DIP2B: variants seen among roughly 807,000 people sequenced by gnomAD.
The protein encoded by DIP2B is DIP2 acetate--CoA ligase B (putative), also known as disco-interacting protein 2 homolog B.
DIP2B carries 76 observed loss-of-function variants against 198.0 expected under a neutral mutation model. The ratio of observed to expected loss-of-function variants is 0.38; its 90% confidence interval spans 0.32 to 0.46. The LOEUF (loss-of-function observed/expected upper bound fraction) is 0.46, where lower values mean the gene tolerates loss of function less well. DIP2B is among the 20% of genes least tolerant of loss of function. The pLI, the probability that DIP2B is intolerant of heterozygous loss-of-function variation, is 0.99. For missense variants in DIP2B, 1,559 were observed against 1,978.4 expected (o/e 0.79, Z 4.02); for synonymous variants, 701 against 739.1 (o/e 0.95, Z 0.84).
In DIP2B at chr12:50,714,529, T is replaced by C; in HGVS notation, c.2784T>C (p.Pro928=). The change falls in exon 23 of 38, where the codon CCT becomes CCC. Residue 928 remains proline (P), a synonymous_variant. Coordinates refer to ENST00000301180, the MANE Select transcript of DIP2B (RefSeq NM_173602.3). ...KQLFLEGSLH[P]CNILMCPHTC... ...TCTTTCTGGAGGGATCACTGCATCC[T>C]TGCAACATCCTCATGTGCCCCCATA... 6.2e-7 allele frequency: 1 copy of C among 1,614,176 alleles called. No homozygotes were observed. The highest frequency in any genetic ancestry group is 8.5e-7 in the Non-Finnish European group (1 of 1,180,022).
chr12:50,585,249 C>G (rs574522844), intron 1 of DIP2B, among the ~76,000 whole-genome samples: 1 of 152,358 alleles, frequency 6.6e-6, no homozygotes, highest in South Asian at 2.1e-4. Flanking sequence ...AGTGCCTATT[C>G]TGTGCCCAGC....
intron 12 of DIP2B, among the ~76,000 whole-genome samples, chr12:50,688,054 T>TA (rs145930378): frequency 1.3e-5 from 2 of 151,558 alleles, no homozygotes; most frequent in South Asian, 4.2e-4. Context: ...CTACTAAAAA[T>TA]AAAAAAAATT....
At position 50,674,471 on chromosome 12, in the gene DIP2B, C is replaced by T. The variant is rs1938910148; in HGVS notation, c.641-3C>T. 6.2e-7 allele frequency: 1 copy of T among 1,614,034 alleles called. No individual in the cohort carries two copies. The highest frequency in any genetic ancestry group is 1.1e-5 in the South Asian group (1 of 91,082). On this transcript the variant is annotated splice_region_variant and splice_polypyrimidine_tract_variant and intron_variant, in intron 5 of 37. Coordinates refer to ENST00000301180, the MANE Select transcript of DIP2B (RefSeq NM_173602.3). ...AATTCTAAACTTTGTTTTCTCCTCT[C>T]AGAGAATTTCTCTGCTCCTCCTGAT...
At chr12:50,549,064 A>G (rs763023622) in intron 1 of DIP2B, among the ~76,000 whole-genome samples, 1 of 152,154 alleles carries the variant, frequency 6.6e-6, no homozygotes, top group Non-Finnish European at 1.5e-5. Flanking sequence ...TAAGTGAGGA[A>G]ACTATTCCGG....
chr12:50,635,962 A>G (rs571318511), intron 2 of DIP2B, among the ~76,000 whole-genome samples: 109 of 152,366 alleles, frequency 7.2e-4, no homozygotes, highest in African/African-American at 2.6e-3. Flanking sequence ...AATGCTTGCA[A>G]TATGAAAGAC....
intron 1 of DIP2B, among the ~76,000 whole-genome samples, chr12:50,595,010 T>C (rs1958866288): frequency 6.6e-6 from 1 of 152,220 alleles, no homozygotes. Flanking sequence ...GCTTTGACAT[T>C]TTCTTTTTAT....
intron 3 of DIP2B, among the ~76,000 whole-genome samples, chr12:50,650,533 A>G (rs997859390): frequency 6.6e-6 from 1 of 152,140 alleles, no homozygotes; most frequent in Non-Finnish European, 1.5e-5. Context: ...GAATTTGAGT[A>G]CTTCATATAA....
chr12:50,553,326 G>A (rs1489353320), intron 1 of DIP2B, among the ~76,000 whole-genome samples: 4 of 152,162 alleles, frequency 2.6e-5, no homozygotes, highest in Non-Finnish European at 5.9e-5. Context: ...ATCTCTCCCA[G>A]TATGTTGAAG....
chr12:50,544,641 T>TTTG (rs1958359822), intron 1 of DIP2B, among the ~76,000 whole-genome samples: 2 of 132,452 alleles, frequency 1.5e-5, no homozygotes, highest in Non-Finnish European at 3.3e-5. Context: ...TTTTTTTTTT[T>TTTG]GAGACGGAGT....
chr12:50,714,485 A>G lies in DIP2B; in HGVS notation c.2740A>G (p.Ile914Val). 6.2e-7 allele frequency: 1 copy of G among 1,614,180 alleles called. No homozygotes were observed. Among genetic ancestry groups the G allele is most frequent in the South Asian group, 1.1e-5 (1 of 91,084 alleles). Residue 914 changes from isoleucine (I) to valine (V), a missense_variant, in exon 23 of 38, where the codon ATA becomes GTA. By Grantham distance (29) the Ile-to-Val change is conservative. Coordinates refer to ENST00000301180, the MANE Select transcript of DIP2B (RefSeq NM_173602.3). Reference sequence around the variant, plus strand: ...AAAAACTCCACTAGGAGGAATCCATATATCTCAGACGAAACAACTCTTTCT... The same window carrying G: ...AAAAACTCCACTAGGAGGAATCCATGTATCTCAGACGAAACAACTCTTTCT... ...LPKTPLGGIH[I>V]SQTKQLFLEG...
At chr12:50,639,776 A>G (rs893977321) in intron 2 of DIP2B, among the ~76,000 whole-genome samples, 1 of 152,300 alleles carries the variant, frequency 6.6e-6, no homozygotes, top group African/African-American at 2.4e-5. Flanking sequence ...ATCCTGCAAT[A>G]TGTGACAACA....
intron 13 of DIP2B, among the ~76,000 whole-genome samples, chr12:50,692,603 C>T (rs146333384): frequency 0.012 from 1,818 of 152,020 alleles, 34 homozygotes; most frequent in African/African-American, 0.038. Flanking sequence ...ATTGGGAGGC[C>T]GAGGCAGGAG....
At chr12:50,670,757 C>T (rs988055355) in intron 4 of DIP2B, among the ~76,000 whole-genome samples, 2 of 152,074 alleles carry the variant, frequency 1.3e-5, no homozygotes, top group African/African-American at 4.8e-5. Context: ...TTTTATGTCT[C>T]CCTGTCAAGA....
At chr12:50,592,773 C>T (rs949064297) in intron 1 of DIP2B, among the ~76,000 whole-genome samples, 4 of 152,118 alleles carry the variant, frequency 2.6e-5, no homozygotes, top group African/African-American at 9.7e-5. Context: ...CTGCACCCGG[C>T]CAGATTATTT....
At position 50,718,668 on chromosome 12, in the gene DIP2B, A is replaced by T. The variant is rs1400643926; in HGVS notation, c.2852-41A>T. ...GAAATGCTCTGGATACTTAGTTGGA[A>T]TCGCCATCTCCAGTGAGTTGGGTTT... On this transcript the variant is annotated intron_variant, in intron 23 of 37. Coordinates refer to ENST00000301180, the MANE Select transcript of DIP2B (RefSeq NM_173602.3). 5 of 1,551,914 alleles carry T rather than the reference A, an allele frequency of 3.2e-6. No homozygotes were observed. In the East Asian group the frequency reaches 1.1e-4, roughly 35 times the overall value.
chr12:50,709,299 A>T, intron 22 of DIP2B, among the ~76,000 whole-genome samples: 1 of 152,178 alleles, frequency 6.6e-6, no homozygotes, highest in East Asian at 1.9e-4. Flanking sequence ...AATGATGGTG[A>T]TTGTTATTAT....
chr12:50,642,018 A>G (rs2139488208), intron 3 of DIP2B, among the ~76,000 whole-genome samples: 1 of 152,318 alleles, frequency 6.6e-6, no homozygotes, highest in East Asian at 1.9e-4. Context: ...TTTAGAGAAA[A>G]TGAGAAAAGG....
At chr12:50,619,821 C>T (rs973059082) in intron 1 of DIP2B, among the ~76,000 whole-genome samples, 1 of 152,144 alleles carries the variant, frequency 6.6e-6, no homozygotes, top group Non-Finnish European at 1.5e-5. Context: ...CTTTGGGAGG[C>T]CAAGGCAGGA....
chr12:50,696,120 C>A (rs1436427280), intron 16 of DIP2B, among the ~76,000 whole-genome samples, 153 bp downstream of exon 16: 1 of 152,160 alleles, frequency 6.6e-6, no homozygotes, highest in African/African-American at 2.4e-5. Context: ...AGTTGTGTAA[C>A]CATCATTACA....
Sources: gnomAD v4.1 joint callset for allele counts (sites outside exome capture counted in the v4.1 genomes callset) on GRCh38, gnomAD v4.1.1 for gene constraint, MANE v1.5 for transcripts, NCBI Gene and HGNC (gene_info 2026-07-23, HGNC 2026-07-21) for gene names.